TBCD: variants seen among roughly 807,000 people sequenced by gnomAD.
TBCD encodes the protein tubulin-specific chaperone D.
A neutral mutation model predicts 169.3 loss-of-function variants in TBCD; 105 were observed. The ratio of observed to expected loss-of-function variants is 0.62; its 90% CI spans 0.53 to 0.73. The LOEUF (loss-of-function observed/expected upper bound fraction) is 0.73. Among genes scored for constraint, TBCD ranks in the 30% least tolerant of loss-of-function variants. The pLI is 0.00. For missense variants in TBCD, 1,444 were observed against 1,600.1 expected (o/e 0.90, Z 1.66); for synonymous variants, 700 against 643.9 (o/e 1.09, Z -1.32).
At chr17:82,797,634 T>A in intron 7 of TBCD, 123 bp from the exon 8 acceptor site, 1 of 706,490 alleles carries the variant, frequency 1.4e-6, no homozygotes, top group Non-Finnish European at 2.3e-6. Context: ...TCTTTATTAT[T>A]AGGTGGTGAG....
chr17:82,853,199 C>T (rs981512520), intron 13 of TBCD, among the ~76,000 whole-genome samples: 3 of 151,918 alleles, frequency 2.0e-5, no homozygotes, highest in Admixed American at 2.0e-4. Flanking sequence ...CTGACCTCAG[C>T]CTCCTGAGTA....
At chr17:82,752,460 A>C in intron 1 of TBCD, 83 bp downstream of exon 1, 2 of 1,087,518 alleles carry the variant, frequency 1.8e-6, no homozygotes, top group Non-Finnish European at 2.3e-6. Context: ...CGGGGACCGC[A>C]GCCCGGCGGC....
chr17:82,826,185 C>T (rs1309082400), intron 13 of TBCD, among the ~76,000 whole-genome samples: 1 of 151,676 alleles, frequency 6.6e-6, no homozygotes, highest in African/African-American at 2.4e-5. Flanking sequence ...CCATAAGATG[C>T]TAGTTATTTA....
At chr17:82,868,028 C>T (rs2057300470) in intron 13 of TBCD, among the ~76,000 whole-genome samples, 1 of 152,156 alleles carries the variant, frequency 6.6e-6, no homozygotes, top group Admixed American at 6.5e-5. Context: ...GCAGGGCCTT[C>T]CACAGTGAGT....
chr17:82,900,582 A>G, intron 17 of TBCD, 69 bp from the exon 18 acceptor site: 1 of 1,263,226 alleles, frequency 7.9e-7, no homozygotes. Context: ...ACTGTGCTGA[A>G]TTCCCACCCA....
At chr17:82,875,550 G>A (rs114734550) in intron 14 of TBCD, among the ~76,000 whole-genome samples, 1,980 of 152,334 alleles carry the variant, frequency 0.013, 61 homozygotes, top group African/African-American at 0.045. Flanking sequence ...CCCCTGCCAG[G>A]GGGCAGCCTC....
At chr17:82,855,001 G>A (rs2056128269) in intron 13 of TBCD, among the ~76,000 whole-genome samples, 1 of 152,168 alleles carries the variant, frequency 6.6e-6, no homozygotes, top group South Asian at 2.1e-4. Context: ...GATTTCAGCA[G>A]GAATTCTGGG....
chr17:82,825,232 C>T (rs961383987), intron 13 of TBCD, among the ~76,000 whole-genome samples: 1 of 151,974 alleles, frequency 6.6e-6, no homozygotes, highest in African/African-American at 2.4e-5. Flanking sequence ...TTTTGGTGAG[C>T]GATCAAATGG....
chr17:82,936,564 C>CTG (rs2062651780), intron 34 of TBCD, among the ~76,000 whole-genome samples: 1 of 152,228 alleles, frequency 6.6e-6, no homozygotes, highest in African/African-American at 2.4e-5. Context: ...TGGGCTAAGC[C>CTG]TGTGCTTTGG....
At chr17:82,812,379 T>A (rs1367211801) in intron 12 of TBCD, among the ~76,000 whole-genome samples, 1 of 152,154 alleles carries the variant, frequency 6.6e-6, no homozygotes. Flanking sequence ...TGTTGAGCTT[T>A]ACGGTTTCAT....
intron 30 of TBCD, 26 bp from the exon 31 acceptor site, chr17:82,929,087 G>A: frequency 6.3e-7 from 1 of 1,598,130 alleles, no homozygotes; most frequent in Non-Finnish European, 8.5e-7. Context: ...CCCGCCCTTG[G>A]TTTACCTCCT....
chr17:82,853,100 G>T (rs1265353624), intron 13 of TBCD, among the ~76,000 whole-genome samples: 2 of 152,068 alleles, frequency 1.3e-5, no homozygotes, highest in Non-Finnish European at 2.9e-5. Context: ...ATTTTGTCGA[G>T]ACAGGTTCTT....
intron 13 of TBCD, among the ~76,000 whole-genome samples, chr17:82,834,009 A>G (rs1391783476): frequency 6.6e-6 from 1 of 151,926 alleles, no homozygotes; most frequent in Non-Finnish European, 1.5e-5. Context: ...CCATGGCGCA[A>G]TCTCAGCTCA....
intron 7 of TBCD, among the ~76,000 whole-genome samples, chr17:82,785,783 C>T (rs534148392): frequency 8.6e-5 from 11 of 127,896 alleles, no homozygotes; most frequent in African/African-American, 1.3e-4. Flanking sequence ...CACTGGATCC[C>T]GCCCATCGCA....
At chr17:82,856,364 T>C (rs556699023) in intron 13 of TBCD, among the ~76,000 whole-genome samples, 6 of 151,192 alleles carry the variant, frequency 4.0e-5, no homozygotes, top group African/African-American at 1.2e-4. Flanking sequence ...CACAATACTT[T>C]GGGAGGCCAA....
chr17:82,772,394 G>A lies in TBCD; in HGVS notation c.583-58G>A, dbSNP rs2048354383. ...AGGGTGGGACTGGTGACTGTGTGGT[G>A]TCCCCAAGGCTGGCGTGTGCAGGAG... On this transcript the variant is annotated intron_variant, in intron 5 of 38. Coordinates refer to ENST00000355528, the MANE Select transcript of TBCD (RefSeq NM_005993.5). 4.4e-6 allele frequency: 7 copies of A among 1,584,760 alleles called. No homozygotes were observed. The South Asian group carries it at 4.4e-5, about 10-fold the overall frequency.
chr17:82,872,103 G>GTGT, intron 14 of TBCD, among the ~76,000 whole-genome samples: 1 of 152,224 alleles, frequency 6.6e-6, no homozygotes, highest in Non-Finnish European at 1.5e-5. Flanking sequence ...CACGTGGCCA[G>GTGT]CGTCTCATAG....
At chr17:82,814,446 A>G (rs191774803) in intron 12 of TBCD, among the ~76,000 whole-genome samples, 74 of 152,344 alleles carry the variant, frequency 4.9e-4, no homozygotes, top group African/African-American at 1.8e-3. Context: ...AGATCTGAAG[A>G]GGCCCTGGGG....
At chr17:82,872,264 T>C (rs1019878893) in intron 14 of TBCD, among the ~76,000 whole-genome samples, 24 of 152,220 alleles carry the variant, frequency 1.6e-4, no homozygotes, top group African/African-American at 4.8e-4. Context: ...TGGAGGGTGC[T>C]GGTGCTGGCC....
Sources: gnomAD v4.1 joint callset for allele counts (sites outside exome capture counted in the v4.1 genomes callset) on GRCh38, gnomAD v4.1.1 for gene constraint, MANE v1.5 for transcripts, NCBI Gene and HGNC (gene_info 2026-07-23, HGNC 2026-07-21) for gene names.